NDUFAF6: variants seen among roughly 807,000 people sequenced by gnomAD.
NDUFAF6 encodes the protein NADH:ubiquinone oxidoreductase complex assembly factor 6, also known as NADH dehydrogenase (ubiquinone) complex I, assembly factor 6.
NDUFAF6 carries 45 observed loss-of-function variants against 40.8 expected under a neutral mutation model. The observed-to-expected ratio is 1.10, with a 90% CI of 0.87 to 1.42. NDUFAF6 has a LOEUF of 1.42. Ranked by LOEUF, NDUFAF6 falls within the 40% of genes most tolerant of loss-of-function variation. NDUFAF6 has a pLI of 0.00. For missense variants in NDUFAF6, 435 were observed against 418.5 expected, an observed-to-expected ratio of 1.04 and a Z score of -0.34; for synonymous variants, 185 against 155.9, an observed-to-expected ratio of 1.19 and a Z score of -1.39.
chr8:95,033,354 T>G lies in NDUFAF6; in HGVS notation c.297+1260T>G, dbSNP rs187243399. Among the ~76,000 whole-genome samples the G allele has an allele frequency of 2.5e-3, 385 of 152,338 alleles. 4 individuals are homozygous for G. The highest frequency in any genetic ancestry group is 8.8e-3 in the African/African-American group (364 of 41,576). On this transcript the variant is annotated intron_variant, in intron 2 of 8. Transcript: ENST00000396124. ...CCACTGCACCCAGTCAATACAATTT[T>G]ATTTTTAATAAACCCCCAGAGTTCC...
In NDUFAF6 at chr8:94,924,666, C is replaced by T. The variant is rs1375484882; in HGVS notation, c.-935-20817C>T. 2.6e-5 allele frequency among the ~76,000 whole-genome samples: 4 copies of T among 152,342 alleles called. No homozygotes were observed. In the South Asian group the frequency reaches 8.3e-4, roughly 32 times the overall value. On this transcript the variant is annotated intron_variant, in intron 1 of 14. Coordinates refer to the NDUFAF6 transcript ENST00000396113. ...TGATCAAGCTGCTAGATTCCCTGGA[C>T]ACTCTGTAAGTGGGCCTAGCAACAG... is the stretch of plus-strand genomic sequence containing the variant.
chr8:94,985,548 T>C (rs1292952852), intron 2 of NDUFAF6, among the ~76,000 whole-genome samples: 5 of 98,376 alleles, frequency 5.1e-5, no homozygotes, highest in Non-Finnish European at 4.0e-5. Flanking sequence ...TTTTTTTTTT[T>C]TTTCTGAGAC....
intron 1 of NDUFAF6, among the ~76,000 whole-genome samples, chr8:94,966,466 C>T (rs901999035): frequency 1.3e-5 from 2 of 151,904 alleles, no homozygotes; most frequent in South Asian, 2.1e-4. Context: ...TGGTAGCACG[C>T]GCCTGTGGTC....
At chr8:94,922,413 G>A (rs916910910) in intron 1 of NDUFAF6, among the ~76,000 whole-genome samples, 4 of 151,864 alleles carry the variant, frequency 2.6e-5, no homozygotes, top group African/African-American at 4.8e-5. Context: ...AGCAGCATGC[G>A]TATCATGCTA....
chr8:95,057,907 G>T lies in NDUFAF6; in HGVS notation c.972G>T (p.Leu324Phe), dbSNP rs1303565883. 6.5e-7 allele frequency: 1 copy of T among 1,547,128 alleles called. No homozygotes were observed. Among genetic ancestry groups the T allele is most frequent in the Non-Finnish European group, 8.9e-7 (1 of 1,119,596 alleles). ...AGAATACATTACTTCCATTATATTT[G>T]TATATTCAGTCATGGAGAAAAACAT... is the stretch of plus-strand genomic sequence containing the variant. ...QQKNTLLPLY[L>F]YIQSWRKTY Residue 324 changes from leucine (L) to phenylalanine (F), a missense_variant, in exon 9 of 9, where the codon TTG becomes TTT. Physicochemically the swap from Leu to Phe is conservative, Grantham distance 22. Coordinates refer to ENST00000396124, the MANE Select transcript of NDUFAF6 (RefSeq NM_152416.4).
At chr8:95,087,900 T>A (rs962002897) in intron 2 of NDUFAF6, 9 of 152,342 alleles carry the variant, frequency 5.9e-5, no homozygotes, top group African/African-American at 2.2e-4. Context: ...ACAGCGAAAT[T>A]ACCACTGTTT....
intron 4 of NDUFAF6, 111 bp downstream of exon 4, chr8:95,041,737 C>A: frequency 1.1e-6 from 1 of 924,030 alleles, no homozygotes; most frequent in Non-Finnish European, 1.8e-6. Context: ...AGGAAGGAAA[C>A]TTTTAGAGAA....
intron 3 of NDUFAF6, among the ~76,000 whole-genome samples, chr8:95,041,307 G>A (rs1830120088): frequency 6.6e-6 from 1 of 152,138 alleles, no homozygotes; most frequent in Non-Finnish European, 1.5e-5. Context: ...GTTTGAAAGT[G>A]GAATTGTTAA....
intron 2 of NDUFAF6, chr8:94,981,038 G>C: frequency 2.2e-6 from 1 of 453,130 alleles, no homozygotes; most frequent in South Asian, 1.6e-5. Context: ...CCCCACCCCA[G>C]TATTACCATG....
At chr8:95,059,127 C>T (rs949201479), downstream of NDUFAF6, among the ~76,000 whole-genome samples, 9 of 152,106 alleles carry the variant, frequency 5.9e-5, no homozygotes, top group African/African-American at 1.4e-4. Flanking sequence ...TGCTGGTAAT[C>T]GGTCGATCTG....
intron 9 of NDUFAF6, among the ~76,000 whole-genome samples, chr8:95,069,787 A>G (rs1271069749): frequency 1.4e-5 from 2 of 145,678 alleles, no homozygotes; most frequent in Non-Finnish European, 3.0e-5. Context: ...CGTCAAAAAA[A>G]AAAAAAATTA....
Position 95,093,978 on chromosome 8 carries a change from TG to T in NDUFAF6, n.214-7153del, listed in dbSNP as rs1436747863. On this transcript the variant is annotated intron_variant and non_coding_transcript_variant, in intron 2 of 5. Transcript: ENST00000523184. ...TGAAATAAATACTTCCTTTTTTTGTTGTTTTTTTTTGAGACAGCGTCTCACT... is the reference window on the plus strand; with the variant it reads ...TGAAATAAATACTTCCTTTTTTTGTTTTTTTTTTTGAGACAGCGTCTCACT... Among the ~76,000 whole-genome samples the T allele has an allele frequency of 3.3e-5, 5 of 152,186 alleles. No homozygotes were observed. In the East Asian group the frequency reaches 9.6e-4, roughly 29 times the overall value.
intron 1 of NDUFAF6, among the ~76,000 whole-genome samples, chr8:94,906,142 G>A (rs1304593195): frequency 6.6e-6 from 1 of 152,156 alleles, no homozygotes; most frequent in South Asian, 2.1e-4. Context: ...TCTGAGCAAA[G>A]CTGTCACCGT....
chr8:95,057,992 G>A lies in NDUFAF6; in HGVS notation c.*55G>A, dbSNP rs1474805501. 4.6e-6 allele frequency: 7 copies of A among 1,526,932 alleles called. No individual in the cohort carries two copies. Among genetic ancestry groups the A allele is most frequent in the Non-Finnish European group, 5.4e-6 (6 of 1,119,558 alleles). 94.6% of individuals were successfully genotyped at this position (1,526,932 alleles called of 1,614,324 possible). On this transcript the variant is annotated 3_prime_UTR_variant, in exon 9 of 9. Transcript: ENST00000396124. ...AGTCTATTAGTTTTATAAAAGTTAG[G>A]ATTCTTATTTAGGAACAACAGGAAA...
intron 1 of NDUFAF6, among the ~76,000 whole-genome samples, chr8:94,972,966 C>T (rs1048951098): frequency 6.6e-6 from 1 of 152,120 alleles, no homozygotes; most frequent in Non-Finnish European, 1.5e-5. Flanking sequence ...AATCTCAGCA[C>T]TTTGGGAGGC....
At chr8:94,904,982 C>T (rs1014663712) in intron 1 of NDUFAF6, among the ~76,000 whole-genome samples, 2 of 152,076 alleles carry the variant, frequency 1.3e-5, no homozygotes, top group Non-Finnish European at 2.9e-5. Context: ...GGCGGATTAC[C>T]TGAGGTTAGG....
intron 2 of NDUFAF6, chr8:95,034,775 T>C (rs923087029): frequency 1.3e-5 from 2 of 152,388 alleles, no homozygotes; most frequent in Non-Finnish European, 2.9e-5. Context: ...TTTCCCTTGC[T>C]ACTAATAAGC....
intron 8 of NDUFAF6, among the ~76,000 whole-genome samples, chr8:95,053,792 ATT>A (rs1432214391): frequency 6.6e-6 from 1 of 151,124 alleles, no homozygotes; most frequent in African/African-American, 2.4e-5. Flanking sequence ...TGCCTGGCTG[ATT>A]TTTTTGTATT....
At chr8:94,978,080 A>G (rs891020600) in intron 1 of NDUFAF6, among the ~76,000 whole-genome samples, 2 of 152,118 alleles carry the variant, frequency 1.3e-5, no homozygotes, top group African/African-American at 4.8e-5. Context: ...CCTTTGTTCT[A>G]TTAATAATTC....
Sources: gnomAD v4.1 joint callset for allele counts (sites outside exome capture counted in the v4.1 genomes callset) on GRCh38, gnomAD v4.1.1 for gene constraint, MANE v1.5 for transcripts, NCBI Gene and HGNC (gene_info 2026-07-23, HGNC 2026-07-21) for gene names.